Variants in NSD2 observed in about 807,000 individuals in gnomAD.
The protein encoded by NSD2 is nuclear receptor binding SET domain protein 2, also known as histone-lysine N-methyltransferase NSD2.
In NSD2, 12 loss-of-function variants were observed where a neutral mutation model predicts 139.0. The observed-to-expected ratio is 0.09, with a 90% CI of 0.06 to 0.14. The LOEUF (loss-of-function observed/expected upper bound fraction) is 0.14. Among genes scored for constraint, NSD2 ranks in the 10% least tolerant of loss-of-function variants. The pLI is 1.00. For synonymous variants in NSD2, 669 were observed against 648.7 expected (o/e 1.03, Z -0.48); for missense variants, 1,155 against 1,745.0 (o/e 0.66, Z 6.02).
At chr4:1,966,637 A>T (rs1725916975) in intron 18 of NSD2, among the ~76,000 whole-genome samples, 1 of 151,282 alleles carries the variant, frequency 6.6e-6, no homozygotes, top group Non-Finnish European at 1.5e-5. Context: ...AGCCTGGGTG[A>T]CAGAGCAAGA....
intron 1 of NSD2, among the ~76,000 whole-genome samples, chr4:1,877,437 C>T (rs967029640): frequency 6.6e-6 from 1 of 152,178 alleles, no homozygotes; most frequent in Non-Finnish European, 1.5e-5. Flanking sequence ...GTTTTGCCCT[C>T]ATCTCAGTTA....
chr4:1,959,851 G>A, intron 17 of NSD2, 111 bp downstream of exon 17: 2 of 1,446,828 alleles, frequency 1.4e-6, no homozygotes, highest in Non-Finnish European at 1.9e-6. Flanking sequence ...GTATTTTTTG[G>A]AAAAAAAATT....
chr4:1,948,148 CT>C lies in NSD2; in HGVS notation c.1882-2923del, dbSNP rs1336278821. The C allele has an allele frequency of 2.8e-6, 3 of 1,061,916 alleles. No homozygotes were observed. The African/African-American group carries it at 4.9e-5, about 17-fold the overall frequency. 65.8% of individuals were successfully genotyped at this position (1,061,916 alleles called of 1,614,324 possible). ...AGAGAGTGGAGAAAGTATTTTCAGA[CT>C]GAAGAAAACTTTGAAAAGTCAGGAG... On this transcript the variant is annotated intron_variant, in intron 9 of 21. Coordinates refer to ENST00000508803, the MANE Select transcript of NSD2 (RefSeq NM_001042424.3). This position sits in a 1 kb window ranked among gnomAD's most constrained non-coding sequence, Gnocchi z 4.5.
chr4:1,978,204 G>A (rs1198134771), intron 21 of NSD2, among the ~76,000 whole-genome samples: 1 of 152,224 alleles, frequency 6.6e-6, no homozygotes, highest in African/African-American at 2.4e-5. Context: ...AAAAGTGTTG[G>A]CCATGGGTGC....
chr4:1,957,955 T>C lies in NSD2; in HGVS notation c.2904T>C (p.Arg968=). 1.2e-6 allele frequency: 2 copies of C among 1,614,154 alleles called. No homozygotes were observed. The highest frequency in any genetic ancestry group is 1.7e-6 in the Non-Finnish European group (2 of 1,180,022). The change falls in exon 16 of 22, where the codon CGT becomes CGC. Residue 968 remains arginine, a synonymous_variant. Coordinates refer to ENST00000508803, the MANE Select transcript of NSD2 (RefSeq NM_001042424.3). ...FKNALQEAEA[R]FREIKLQREA... is the part of the protein sequence containing the mutation. ...TAGCACTGCAAGAAGCTGAAGCTCGTTTTCGTGAAATTAAGCTTCAGAGGG... is the reference window on the plus strand; with the variant it reads ...TAGCACTGCAAGAAGCTGAAGCTCGCTTTCGTGAAATTAAGCTTCAGAGGG...
At position 1,975,417 on chromosome 4, in the gene NSD2, C is replaced by G; in HGVS notation, c.3621+17C>G. ...AGACCAAAGGTAAGGCTGTGGCGCC[C>G]TCCTTCCCCCCAGGCTCTGTGTTGG... On this transcript the variant is annotated intron_variant, in intron 20 of 21. Transcript: ENST00000508803. The G allele has an allele frequency of 6.2e-7, 1 of 1,609,782 alleles. No individual in the cohort carries two copies. Among genetic ancestry groups the G allele is most frequent in the Non-Finnish European group, 8.5e-7 (1 of 1,176,280 alleles).
intron 3 of NSD2, among the ~76,000 whole-genome samples, chr4:1,914,697 G>T (rs1322464891): frequency 6.6e-6 from 1 of 152,166 alleles, no homozygotes; most frequent in Non-Finnish European, 1.5e-5. Context: ...ATGTTGAGAA[G>T]AATTCCCCTA....
chr4:1,940,418 T>C (rs1722964500), intron 9 of NSD2: 3 of 1,063,474 alleles, frequency 2.8e-6, no homozygotes, highest in Non-Finnish European at 1.1e-6. Context: ...CCTGCCATCA[T>C]TGTAACATGA....
At position 1,978,836 on chromosome 4, in the gene NSD2, C is replaced by A. The variant is rs201619712; in HGVS notation, c.4025C>A (p.Pro1342His). 41 of 1,603,412 alleles carry A rather than the reference C, an allele frequency of 2.6e-5. No homozygotes were observed. In the African/African-American group the frequency reaches 4.5e-4, roughly 18 times the overall value. Reference sequence around the variant, plus strand: ...AGAAGCACCAAGACTGAGAAGCCCCCCCCAGAGCCAGGGAAGCCGAAGGGG... The same window carrying A: ...AGAAGCACCAAGACTGAGAAGCCCCACCCAGAGCCAGGGAAGCCGAAGGGG... Reference protein sequence around the residue: ...SVRSTKTEKPPPEPGKPKGKR... With the variant: ...SVRSTKTEKPHPEPGKPKGKR... Residue 1342 changes from proline to histidine, a missense_variant, in exon 22 of 22, where the codon CCC becomes CAC. Pro to His is a moderately conservative substitution (Grantham distance 77, BLOSUM62 -2). Coordinates refer to ENST00000508803, the MANE Select transcript of NSD2 (RefSeq NM_001042424.3).
chr4:1,958,138 C>T lies in NSD2; in HGVS notation c.2985+102C>T, dbSNP rs1051447516. The stretch of plus-strand genomic sequence containing the variant: ...AGGCTATGGCTGGGGAGAGGACTGT[C>T]ACCAGCCAGGATCTGTGGTGCCTGG... On this transcript the variant is annotated intron_variant, in intron 16 of 21. Transcript: ENST00000508803. This position sits in a 1 kb window ranked among gnomAD's most constrained non-coding sequence, Gnocchi z 4.6. 3 of 1,193,620 alleles carry T rather than the reference C, an allele frequency of 2.5e-6. No individual in the cohort carries two copies. The highest frequency in any genetic ancestry group is 2.9e-4 in the Middle Eastern group (1 of 3,454). The allele number at this position is 1,193,620 out of a possible 1,614,324, so 73.9% of individuals were successfully genotyped here.
At chr4:1,908,942 C>CT in intron 3 of NSD2, among the ~76,000 whole-genome samples, 1 of 152,192 alleles carries the variant, frequency 6.6e-6, no homozygotes, top group Non-Finnish European at 1.5e-5. Flanking sequence ...GCCACCATAC[C>CT]TGTCCCCAGC....
In NSD2 at chr4:1,974,645, A is replaced by G. The variant is rs1726872340; in HGVS notation, c.3373-218A>G. The G allele has an allele frequency of 6.8e-6, 5 of 739,020 alleles. No individual in the cohort carries two copies. Among genetic ancestry groups the G allele is most frequent in the Non-Finnish European group, 1.2e-5 (5 of 408,320 alleles). 45.8% of individuals were successfully genotyped at this position (739,020 alleles called of 1,614,324 possible). On this transcript the variant is annotated intron_variant, in intron 18 of 21. Coordinates refer to ENST00000508803, the MANE Select transcript of NSD2 (RefSeq NM_001042424.3). This position sits in a 1 kb window ranked among gnomAD's most constrained non-coding sequence, Gnocchi z 4.0. Reference sequence around the variant, plus strand: ...TGTCCTGTCCTCCCCGGCGCTCACTAAGGCTCGGTCCTCTCCACGTGGTCC... The same window carrying G: ...TGTCCTGTCCTCCCCGGCGCTCACTGAGGCTCGGTCCTCTCCACGTGGTCC...
chr4:1,894,518 C>A (rs1460393914), intron 1 of NSD2, among the ~76,000 whole-genome samples: 2 of 151,792 alleles, frequency 1.3e-5, no homozygotes, highest in South Asian at 4.2e-4. Flanking sequence ...ACAAAAAATA[C>A]AAAAATTAGC....
chr4:1,911,549 C>T lies in NSD2; in HGVS notation c.761-5322C>T, dbSNP rs116232564. On this transcript the variant is annotated intron_variant, in intron 3 of 21. Coordinates refer to ENST00000508803, the MANE Select transcript of NSD2 (RefSeq NM_001042424.3). ...GTTGCAGTGACCCGAGATCGCAGTA[C>T]TGCACTCCAGCCTGGGCGACAGAGC... 1.5e-3 allele frequency among the ~76,000 whole-genome samples: 202 copies of T among 134,826 alleles called. 1 individual carries two copies. Among genetic ancestry groups the T allele is most frequent in the African/African-American group, 5.4e-3 (188 of 34,992 alleles). The allele number at this position is 134,826 out of a possible 152,430, so 88.5% of individuals were successfully genotyped here. A position where few individuals can be genotyped will look rare whatever the true frequency, so the allele number is the denominator to read the frequency against.
chr4:1,932,063 G>C (rs965934885), intron 6 of NSD2, among the ~76,000 whole-genome samples: 6 of 152,156 alleles, frequency 3.9e-5, no homozygotes, highest in African/African-American at 1.4e-4. Context: ...CTTTAATCCT[G>C]ACTTTCAGGT....
At chr4:1,970,713 C>G (rs543936553) in intron 18 of NSD2, among the ~76,000 whole-genome samples, 63 of 152,244 alleles carry the variant, frequency 4.1e-4, no homozygotes, top group African/African-American at 1.5e-3. Flanking sequence ...GAGCTGGGCT[C>G]TAGGGGCGGT....
At chr4:1,920,175 CGTGG>C (rs1719934188) in intron 5 of NSD2, among the ~76,000 whole-genome samples, 1 of 152,050 alleles carries the variant, frequency 6.6e-6, no homozygotes, top group Non-Finnish European at 1.5e-5. Context: ...AGTGGCTGGG[CGTGG>C]TGGCTCCCGC....
At chr4:1,901,636 C>T (rs927522350) in intron 2 of NSD2, among the ~76,000 whole-genome samples, 12 of 152,224 alleles carry the variant, frequency 7.9e-5, no homozygotes, top group African/African-American at 2.7e-4. Context: ...CTGATGTGGT[C>T]AGTGGAGACA....
rs1723162960 is a variant in NSD2 at position 1,942,133 on chromosome 4, A to G, written c.1881+2355A>G. On this transcript the variant is annotated intron_variant, in intron 9 of 21. Transcript: ENST00000508803. This position sits in a 1 kb window ranked among gnomAD's most constrained non-coding sequence, Gnocchi z 4.0. ...ATGTTGTAGTTTAAATTCTTCTTGA[A>G]AAAGGTATATGTGATAAATAAAAAT... 1.6e-6 allele frequency: 2 copies of G among 1,276,780 alleles called. No homozygotes were observed. Among genetic ancestry groups the G allele is most frequent in the East Asian group, 3.1e-5 (1 of 32,406 alleles). The allele number at this position is 1,276,780 out of a possible 1,614,324, so 79.1% of individuals were successfully genotyped here.
Sources: gnomAD v4.1 joint callset for allele counts (sites outside exome capture counted in the v4.1 genomes callset) on GRCh38, gnomAD v4.1.1 for gene constraint, Gnocchi (gnomAD v3.1) non-coding constraint, MANE v1.5 for transcripts, NCBI Gene and HGNC (gene_info 2026-07-23, HGNC 2026-07-21) for gene names.